Variants in PHACTR2 observed in about 807,000 individuals in gnomAD.
The protein encoded by PHACTR2 is phosphatase and actin regulator 2, also known as chromosome 6 open reading frame 56.
PHACTR2 carries 30 observed loss-of-function variants against 76.0 expected under a neutral mutation model. The ratio of observed to expected loss-of-function variants is 0.39; its 90% confidence interval spans 0.30 to 0.54. PHACTR2 has a LOEUF of 0.54. Ranked by LOEUF, PHACTR2 falls within the 20% of genes least tolerant of loss-of-function variation. The pLI, the probability that PHACTR2 is intolerant of heterozygous loss-of-function variation, is 0.61. For missense variants in PHACTR2, 696 were observed against 781.1 expected (o/e 0.89, Z 1.30); for synonymous variants, 292 against 292.5 (o/e 1.00, Z 0.02).
rs1013253328 is a variant in PHACTR2, at chr6:143,753,527, C to A, written c.296-227C>A. Among the ~76,000 whole-genome samples, 3 of 152,132 alleles carry A rather than the reference C, an allele frequency of 2.0e-5. No individual in the cohort carries two copies. Among genetic ancestry groups the A allele is most frequent in the South Asian group, 4.1e-4 (2 of 4,822 alleles). On this transcript the variant is annotated intron_variant, in intron 3 of 12. Coordinates refer to ENST00000440869, the MANE Select transcript of PHACTR2 (RefSeq NM_001100164.2). The surrounding 1 kb of genome is among the most constrained non-coding windows in gnomAD (Gnocchi z 4.6). ...ATATTGGATAATTAGGATGATCATT[C>A]CTGTTGTCTTGAAATGGCGCATAGA...
At chr6:143,613,886 T>G (rs1399813154) in intron 1 of PHACTR2, among the ~76,000 whole-genome samples, 1 of 152,184 alleles carries the variant, frequency 6.6e-6, no homozygotes, top group Non-Finnish European at 1.5e-5. Context: ...ATTTTAAGAA[T>G]TGTTGAGTTT....
intron 1 of PHACTR2, among the ~76,000 whole-genome samples, chr6:143,614,168 G>A (rs1231905591): frequency 6.6e-6 from 1 of 152,196 alleles, no homozygotes. Context: ...GTTGCAGTGA[G>A]CCGAGACCAC....
intron 6 of PHACTR2, among the ~76,000 whole-genome samples, chr6:143,770,050 G>A (rs1291728001): frequency 6.6e-6 from 1 of 152,124 alleles, no homozygotes; most frequent in East Asian, 1.9e-4. Flanking sequence ...TTGTACACCA[G>A]TGCTCAAAGC....
rs1021777700 is a variant in PHACTR2 at position 143,598,499 on chromosome 6, A to C, written c.217+61292A>C. ...TAAATTTTGGCTGTTTTAAGCCACT[A>C]AATTGGTGGTAATTTGTTACAGTAG... On this transcript the variant is annotated intron_variant, in intron 1 of 11. Coordinates refer to the PHACTR2 transcript ENST00000367584. This position sits in a 1 kb window ranked among gnomAD's most constrained non-coding sequence, Gnocchi z 4.1. Among the ~76,000 whole-genome samples the C allele has an allele frequency of 1.4e-4, 22 of 152,206 alleles. No individual in the cohort carries two copies. Among genetic ancestry groups the C allele is most frequent in the Non-Finnish European group, 2.8e-4 (19 of 68,036 alleles).
chr6:143,696,092 A>G lies in PHACTR2; in HGVS notation c.47-15924A>G, dbSNP rs1329232584. Among the ~76,000 whole-genome samples the G allele has an allele frequency of 1.3e-5, 2 of 152,234 alleles. No homozygotes were observed. Among genetic ancestry groups the G allele is most frequent in the African/African-American group, 4.8e-5 (2 of 41,470 alleles). ...AAAAATAAAAAATTCGCAATTTCCC[A>G]GCTGGTAGGAAATAGAGCCACGTCC... On this transcript the variant is annotated intron_variant, in intron 1 of 12. Coordinates refer to ENST00000440869, the MANE Select transcript of PHACTR2 (RefSeq NM_001100164.2). This position sits in a 1 kb window ranked among gnomAD's most constrained non-coding sequence, Gnocchi z 4.1.
intron 11 of PHACTR2, among the ~76,000 whole-genome samples, chr6:143,805,947 AT>A (rs1410393313): frequency 1.3e-5 from 2 of 152,012 alleles, no homozygotes; most frequent in African/African-American, 4.8e-5. Context: ...AAAATGTATT[AT>A]TTTCCAACCA....
intron 1 of PHACTR2, among the ~76,000 whole-genome samples, chr6:143,564,182 T>TGC (rs1491493889): frequency 0.086 from 3,443 of 40,182 alleles, 141 homozygotes; most frequent in Non-Finnish European, 0.15. Context: ...TGTGTGTGTG[T>TGC]ATGTGTGTGT....
intron 1 of PHACTR2, among the ~76,000 whole-genome samples, chr6:143,634,562 A>C (rs746595166): frequency 2.0e-5 from 3 of 152,240 alleles, no homozygotes; most frequent in African/African-American, 4.8e-5. Context: ...TCATTGTACC[A>C]TAAGTGTTTA....
intron 1 of PHACTR2, among the ~76,000 whole-genome samples, chr6:143,687,234 A>T (rs1258415577): frequency 6.6e-6 from 1 of 152,136 alleles, no homozygotes; most frequent in African/African-American, 2.4e-5. Context: ...AAAATAATAA[A>T]TTTATTTTAT....
At chr6:143,574,403 G>A (rs1325827756) in intron 1 of PHACTR2, among the ~76,000 whole-genome samples, 1 of 152,192 alleles carries the variant, frequency 6.6e-6, no homozygotes, top group Non-Finnish European at 1.5e-5. Flanking sequence ...ATGGCCATTG[G>A]AGGTCTGTCC....
At position 143,780,900 on chromosome 6, in the gene PHACTR2, G is replaced by A. The variant is rs1275145093; in HGVS notation, c.1646-2319G>A. On this transcript the variant is annotated intron_variant, in intron 9 of 12. Coordinates refer to ENST00000440869, the MANE Select transcript of PHACTR2 (RefSeq NM_001100164.2). The surrounding 1 kb of genome is among the most constrained non-coding windows in gnomAD (Gnocchi z 4.4). ...TCTAGTGAATCAAAAAATGAAGGAA[G>A]CATACAAAAAACTTGGTGTATTTTC... Among the ~76,000 whole-genome samples, 4 of 152,176 alleles carry A rather than the reference G, an allele frequency of 2.6e-5. No homozygotes were observed. Among genetic ancestry groups the A allele is most frequent in the South Asian group, 2.1e-4 (1 of 4,832 alleles).
rs1775681732 is a variant in PHACTR2, at chr6:143,791,203, ATCTGTATTATATGTTTGTTT to A, written c.1845+2297_1845+2316del. On this transcript the variant is annotated intron_variant, in intron 11 of 12. Transcript: ENST00000440869. This position sits in a 1 kb window ranked among gnomAD's most constrained non-coding sequence, Gnocchi z 4.7. ...AGATATGCTTTCAGTTTGCTTGGTC[ATCTGTATTATATGTTTGTTT>A]TCTATGTCATTATTTGTTCTTTTCT... Among the ~76,000 whole-genome samples the A allele has an allele frequency of 1.3e-5, 2 of 152,012 alleles. No homozygotes were observed. Among genetic ancestry groups the A allele is most frequent in the South Asian group, 4.1e-4 (2 of 4,828 alleles).
chr6:143,711,856 G>T, intron 1 of PHACTR2, 160 bp from the exon 2 acceptor site: 1 of 768,570 alleles, frequency 1.3e-6, no homozygotes, highest in African/African-American at 1.7e-5. Context: ...ATTGATATGA[G>T]GGAAGTCCTA....
Position 143,589,038 on chromosome 6 carries a change from C to T in PHACTR2, c.217+51831C>T, listed in dbSNP as rs890923445. ...TCATCGTATGAGTTTGCTAGAGCTG[C>T]CACAACAAAATGCCACAGATTGGGT... On this transcript the variant is annotated intron_variant, in intron 1 of 11. Transcript: ENST00000367584. This position sits in a 1 kb window ranked among gnomAD's most constrained non-coding sequence, Gnocchi z 4.4. Among the ~76,000 whole-genome samples, 1 of 152,220 alleles carries T rather than the reference C, an allele frequency of 6.6e-6. No homozygotes were observed. Among genetic ancestry groups the T allele is most frequent in the African/African-American group, 2.4e-5 (1 of 41,472 alleles).
intron 6 of PHACTR2, among the ~76,000 whole-genome samples, chr6:143,766,806 A>G (rs1035839477): frequency 2.0e-5 from 3 of 152,218 alleles, no homozygotes; most frequent in African/African-American, 7.2e-5. Context: ...TTCTACTTAC[A>G]GGTAAATAAA....
In PHACTR2 at chr6:143,760,201, G is replaced by A. The variant is rs1779402304; in HGVS notation, c.455-200G>A. On this transcript the variant is annotated intron_variant, in intron 4 of 12. Coordinates refer to ENST00000440869, the MANE Select transcript of PHACTR2 (RefSeq NM_001100164.2). This position sits in a 1 kb window ranked among gnomAD's most constrained non-coding sequence, Gnocchi z 6.4. ...ACCCGGTTTTATTAAAGGGTGATTCGTGTACCCTGAGAACACTTCTCAGTT... is the reference window on the plus strand; with the variant it reads ...ACCCGGTTTTATTAAAGGGTGATTCATGTACCCTGAGAACACTTCTCAGTT... Among the ~76,000 whole-genome samples, 1 of 152,108 alleles carries A rather than the reference G, an allele frequency of 6.6e-6. No homozygotes were observed. The highest frequency in any genetic ancestry group is 1.5e-5 in the Non-Finnish European group (1 of 68,032).
chr6:143,764,505 A>G lies in PHACTR2; in HGVS notation c.695-756A>G, dbSNP rs1779510289. On this transcript the variant is annotated intron_variant, in intron 5 of 12. Transcript: ENST00000440869. This position sits in a 1 kb window ranked among gnomAD's most constrained non-coding sequence, Gnocchi z 4.7. ...CACTGCATTCCAGCCTGGGCGACAG[A>G]ACAAGACCTTGTCTCAAAAAAAAAA... Among the ~76,000 whole-genome samples, 1 of 150,852 alleles carries G rather than the reference A, an allele frequency of 6.6e-6. No homozygotes were observed. The highest frequency in any genetic ancestry group is 6.6e-5 in the Admixed American group (1 of 15,104).
chr6:143,544,411 A>T (rs1781203740), intron 1 of PHACTR2, among the ~76,000 whole-genome samples: 1 of 152,194 alleles, frequency 6.6e-6, no homozygotes, highest in Admixed American at 6.5e-5. Flanking sequence ...CCCCATACAC[A>T]GAATCTGGTT....
chr6:143,597,970 C>T lies in PHACTR2; in HGVS notation c.217+60763C>T, dbSNP rs1221071812. ...ACTTCAGGTGCACCTACGGAAGTAG[C>T]GGTGGGGGCTTTGGCTGTTTCTGAG... On this transcript the variant is annotated intron_variant, in intron 1 of 11. Transcript: ENST00000367584. The surrounding 1 kb of genome is among the most constrained non-coding windows in gnomAD (Gnocchi z 5.7). Among the ~76,000 whole-genome samples the T allele has an allele frequency of 1.3e-5, 2 of 152,114 alleles. No individual in the cohort carries two copies. Among genetic ancestry groups the T allele is most frequent in the Admixed American group, 6.6e-5 (1 of 15,264 alleles).
Sources: gnomAD v4.1 joint callset for allele counts (sites outside exome capture counted in the v4.1 genomes callset) on GRCh38, gnomAD v4.1.1 for gene constraint, Gnocchi (gnomAD v3.1) non-coding constraint, MANE v1.5 for transcripts, NCBI Gene and HGNC (gene_info 2026-07-23, HGNC 2026-07-21) for gene names.